OR2Z1: variants seen among roughly 807,000 people sequenced by gnomAD.
OR2Z1 encodes the protein olfactory receptor family 2 subfamily Z member 1, also known as olfactory receptor 2Z1.
For synonymous variants in OR2Z1, 188 were observed against 160.6 expected (o/e 1.17, Z -1.29); for missense variants, 449 against 401.8 (o/e 1.12, Z -1.00).
chr19:8,725,554 C>T lies in OR2Z1; in HGVS notation c.-170+2404C>T, dbSNP rs1250889516. ...CACTACGCCCAGCCAAACTCCCATACATCTTTGATTGACTCTGGAAAAATG... is the reference window on the plus strand; with the variant it reads ...CACTACGCCCAGCCAAACTCCCATATATCTTTGATTGACTCTGGAAAAATG... On this transcript the variant is annotated intron_variant, in intron 2 of 2. Coordinates refer to ENST00000641125, the MANE Select transcript of OR2Z1 (RefSeq NM_001004699.3). 3.3e-5 allele frequency among the ~76,000 whole-genome samples: 5 copies of T among 152,164 alleles called. No homozygotes were observed. The East Asian group carries it at 5.8e-4, about 18-fold the overall frequency.
intron 2 of OR2Z1, chr19:8,728,815 C>T: frequency 1.6e-6 from 1 of 632,674 alleles, no homozygotes; most frequent in Non-Finnish European, 3.0e-6. Context: ...TTCTCTTCAT[C>T]AGGCTGAATC....
At chr19:8,723,420 C>G (rs2043314648) in intron 2 of OR2Z1, among the ~76,000 whole-genome samples, 1 of 152,132 alleles carries the variant, frequency 6.6e-6, no homozygotes, top group South Asian at 2.1e-4. Flanking sequence ...AATCATCATG[C>G]ATGTATTTTT....
chr19:8,724,237 T>A (rs1555755947), intron 2 of OR2Z1, among the ~76,000 whole-genome samples: 1 of 151,632 alleles, frequency 6.6e-6, no homozygotes, highest in Non-Finnish European at 1.5e-5. Flanking sequence ...ATGGTCATTT[T>A]TTTTTAATTG....
chr19:8,731,577 C>T lies in OR2Z1; in HGVS notation c.549C>T (p.Ala183=). 1 of 1,614,088 alleles carries T rather than the reference C, an allele frequency of 6.2e-7. No individual in the cohort carries two copies. The highest frequency in any genetic ancestry group is 8.5e-7 in the Non-Finnish European group (1 of 1,180,024). ...IVDHFFCEVP[A]LLKLSCADTC... Reference sequence around the variant, plus strand: ...ATCACTTCTTCTGTGAGGTGCCAGCCCTACTGAAGCTCTCCTGTGCAGATA... The same window carrying T: ...ATCACTTCTTCTGTGAGGTGCCAGCTCTACTGAAGCTCTCCTGTGCAGATA... The change falls in exon 3 of 3, where the codon GCC becomes GCT. Residue 183 remains alanine, a synonymous_variant. Coordinates refer to ENST00000641125, the MANE Select transcript of OR2Z1 (RefSeq NM_001004699.3).
Position 8,731,756 on chromosome 19 carries a change from C to T in OR2Z1, c.728C>T (p.Ser243Leu), listed in dbSNP as rs370880481. The change falls in exon 3 of 3, where the codon TCG (serine) becomes TTG (leucine). Residue 243 changes from serine (S) to leucine (L), a missense_variant. Transcript: ENST00000641125. Reference protein sequence around the residue: ...ARHKAVTTCSSHITVVGLFYG... With the variant: ...ARHKAVTTCSLHITVVGLFYG... The stretch of plus-strand genomic sequence containing the variant: ...CACAAGGCTGTCACCACCTGCTCCT[C>T]GCACATCACGGTAGTGGGGCTCTTT... The T allele has an allele frequency of 1.4e-5, 23 of 1,614,124 alleles. No individual in the cohort carries two copies. The highest frequency in any genetic ancestry group is 1.6e-4 in the Middle Eastern group (1 of 6,084).
intron 2 of OR2Z1, among the ~76,000 whole-genome samples, chr19:8,725,390 C>T (rs2043323327): frequency 6.6e-6 from 1 of 152,012 alleles, no homozygotes; most frequent in Non-Finnish European, 1.5e-5. Flanking sequence ...TTACAGGTGC[C>T]CGCCACCACA....
chr19:8,730,451 G>A (rs1452405058), intron 2 of OR2Z1, among the ~76,000 whole-genome samples: 3 of 151,394 alleles, frequency 2.0e-5, no homozygotes, highest in East Asian at 1.9e-4. Flanking sequence ...ATGGAGTCTC[G>A]CTCTGTTGCC....
chr19:8,730,794 G>A (rs1034267964), intron 2 of OR2Z1, 66 bp from the exon 3 acceptor site: 1 of 573,092 alleles, frequency 1.7e-6, no homozygotes, highest in Non-Finnish European at 3.1e-6. Context: ...ATTCAGAGAT[G>A]CCAGCTGCTT....
rs1360653391 is a variant in OR2Z1, at chr19:8,724,807, C to T, written c.-170+1657C>T. Among the ~76,000 whole-genome samples, 3 of 152,084 alleles carry T rather than the reference C, an allele frequency of 2.0e-5. No individual in the cohort carries two copies. The East Asian group carries it at 5.8e-4, about 29-fold the overall frequency. On this transcript the variant is annotated intron_variant, in intron 2 of 2. Coordinates refer to ENST00000641125, the MANE Select transcript of OR2Z1 (RefSeq NM_001004699.3). ...AGGTGATAGGCTTAGAGGAGCTGCC[C>T]AGCTCTCAGAAAGCTCTCCTTGCTT... is the stretch of plus-strand genomic sequence containing the variant.
Position 8,728,937 on chromosome 19 carries a change from A to G in OR2Z1, c.-169-1923A>G, listed in dbSNP as rs1200027644. On this transcript the variant is annotated intron_variant, in intron 2 of 2. Coordinates refer to ENST00000641125, the MANE Select transcript of OR2Z1 (RefSeq NM_001004699.3). ...GAACGAAAGTGTGTCATTGTCTTCT[A>G]TCTTCTTGATGGTGGACTCAGTGGT... is the stretch of plus-strand genomic sequence containing the variant. 119 of 671,738 alleles carry G rather than the reference A, an allele frequency of 1.8e-4. 2 individuals are homozygous for G. Among genetic ancestry groups the G allele is most frequent in the South Asian group, 1.3e-3 (94 of 71,810 alleles). 41.6% of individuals were successfully genotyped at this position (671,738 alleles called of 1,614,324 possible).
Position 8,731,670 on chromosome 19 carries a change from C to T in OR2Z1, c.642C>T (p.Ile214=), listed in dbSNP as rs782808201. Residue 214 remains isoleucine, a synonymous_variant, in exon 3 of 3, where the codon ATC becomes ATT. Coordinates refer to ENST00000641125, the MANE Select transcript of OR2Z1 (RefSeq NM_001004699.3). ...TCCTAATGCTCCCTCTTTCCCTCATCGCCACCTCCTACGGCCACGTGTTGC... is the reference window on the plus strand; with the variant it reads ...TCCTAATGCTCCCTCTTTCCCTCATTGCCACCTCCTACGGCCACGTGTTGC... ...VLILMLPLSL[I]ATSYGHVLQA... 4.3e-6 allele frequency: 7 copies of T among 1,614,128 alleles called. No individual in the cohort carries two copies. The Admixed American group carries it at 6.7e-5, about 15-fold the overall frequency.
chr19:8,729,323 T>C, intron 2 of OR2Z1: 1 of 463,892 alleles, frequency 2.2e-6, no homozygotes, highest in African/African-American at 2.0e-5. Flanking sequence ...CACTGATAAG[T>C]GAGAACATGT....
chr19:8,728,017 T>G (rs539481758), intron 2 of OR2Z1, among the ~76,000 whole-genome samples: 1 of 152,372 alleles, frequency 6.6e-6, no homozygotes, highest in Non-Finnish European at 1.5e-5. Flanking sequence ...CCTGGTCATA[T>G]AGCCCAAAGT....
rs1035684466 is a variant in OR2Z1 at position 8,732,148 on chromosome 19, A to G, written c.*175A>G. 4.9e-6 allele frequency: 3 copies of G among 607,698 alleles called. No individual in the cohort carries two copies. Among genetic ancestry groups the G allele is most frequent in the Non-Finnish European group, 5.8e-6 (2 of 343,924 alleles). The allele number at this position is 607,698 out of a possible 1,614,324, so 37.6% of individuals were successfully genotyped here. A position where few individuals can be genotyped will look rare whatever the true frequency, so the allele number is the denominator to read the frequency against. On this transcript the variant is annotated 3_prime_UTR_variant, in exon 3 of 3. Transcript: ENST00000641125. ...TTTAAATTGAGGTAGAATACACGTA[A>G]CATAAAATGAGCCACTTTGAAGTGT... is the stretch of plus-strand genomic sequence containing the variant.
intron 2 of OR2Z1, among the ~76,000 whole-genome samples, chr19:8,724,138 A>G (rs1333859739): frequency 6.6e-6 from 1 of 152,044 alleles, no homozygotes. Context: ...TGACTTGGTT[A>G]CCTTCTTGCT....
intron 2 of OR2Z1, among the ~76,000 whole-genome samples, chr19:8,724,559 G>A (rs556907124): frequency 6.6e-6 from 1 of 152,084 alleles, no homozygotes; most frequent in Non-Finnish European, 1.5e-5. Context: ...TTGTCATCAA[G>A]GGCTTGCTGA....
rs1175743879 is a variant in OR2Z1 at position 8,726,906 on chromosome 19, A to T, written c.-170+3756A>T. Among the ~76,000 whole-genome samples the T allele has an allele frequency of 2.0e-5, 3 of 151,362 alleles. No individual in the cohort carries two copies. In the South Asian group the frequency reaches 6.3e-4, roughly 32 times the overall value. On this transcript the variant is annotated intron_variant, in intron 2 of 2. Coordinates refer to ENST00000641125, the MANE Select transcript of OR2Z1 (RefSeq NM_001004699.3). ...TCTTGCTGCTTTTTTCTTTTTTTTTAAATTTAACCCCATGCACTCTTTTAT... is the reference window on the plus strand; with the variant it reads ...TCTTGCTGCTTTTTTCTTTTTTTTTTAATTTAACCCCATGCACTCTTTTAT...
rs782537118 is a variant in OR2Z1, at chr19:8,731,293, G to T, written c.265G>T (p.Glu89Ter). 6.2e-7 allele frequency: 1 copy of T among 1,614,044 alleles called. No individual in the cohort carries two copies. Among genetic ancestry groups the T allele is most frequent in the Non-Finnish European group, 8.5e-7 (1 of 1,180,044 alleles). ...GATGGCATCAGACTTTCTGCGGGGA[G>T]AAGGTGCCACCTCCTATGGAGGTGG... ...PKMASDFLRG[E>*]GATSYGGGAA... Residue 89 changes from glutamate to a stop codon, truncating the protein, a stop_gained, in exon 3 of 3, where the codon GAA becomes TAA. Coordinates refer to ENST00000641125, the MANE Select transcript of OR2Z1 (RefSeq NM_001004699.3). LOFTEE classifies it low-confidence loss of function (END_TRUNC).
intron 2 of OR2Z1, among the ~76,000 whole-genome samples, chr19:8,723,973 TG>T (rs2043316889): frequency 2.8e-4 from 7 of 25,096 alleles, no homozygotes; most frequent in Admixed American, 1.4e-3. Flanking sequence ...TCTGTTTGTG[TG>T]TGTGTGTGTG....
Sources: gnomAD v4.1 joint callset for allele counts (sites outside exome capture counted in the v4.1 genomes callset) on GRCh38, gnomAD v4.1.1 for gene constraint, MANE v1.5 for transcripts, NCBI Gene and HGNC (gene_info 2026-07-23, HGNC 2026-07-21) for gene names.